SBSPON: variants seen among roughly 807,000 people sequenced by gnomAD.
SBSPON encodes the protein somatomedin B and thrombospondin type 1 domain containing.
A neutral mutation model predicts 35.8 loss-of-function variants in SBSPON; 30 were observed. The ratio of observed to expected loss-of-function variants is 0.84; its 90% CI spans 0.63 to 1.14. The LOEUF is 1.14. SBSPON is among the 50% of genes most tolerant of loss of function. The pLI is 0.00. For missense variants in SBSPON, 364 were observed against 357.7 expected (o/e 1.02, Z -0.14); for synonymous variants, 136 against 135.9 (o/e 1.00, Z 0.00).
At position 73,081,071 on chromosome 8, in the gene SBSPON, A is replaced by G; in HGVS notation, c.357T>C (p.Ala119=). The change falls in exon 2 of 5, where the codon GCT becomes GCC. Residue 119 remains alanine, a synonymous_variant. Transcript: ENST00000297354. The stretch of plus-strand genomic sequence containing the variant: ...GCGGGGTGGAGTACTCCAGGCAGCC[A>G]GCTCTCTCTTCCAGGGGTGGGCAGG... The part of the protein sequence containing the change: ...GAPCPPLEER[A]GCLEYSTPQG... 1 of 1,612,612 alleles carries G rather than the reference A, an allele frequency of 6.2e-7. No individual in the cohort carries two copies. The highest frequency in any genetic ancestry group is 8.5e-7 in the Non-Finnish European group (1 of 1,179,336).
chr8:73,086,998 T>C (rs566274541), intron 1 of SBSPON, among the ~76,000 whole-genome samples: 4 of 152,326 alleles, frequency 2.6e-5, no homozygotes, highest in African/African-American at 9.6e-5. Context: ...CTGCTCACAT[T>C]CTTTTGACAA....
At chr8:73,092,254 A>T (rs987395120) in intron 1 of SBSPON, among the ~76,000 whole-genome samples, 7 of 152,236 alleles carry the variant, frequency 4.6e-5, no homozygotes, top group African/African-American at 1.2e-4. Context: ...TTCCAAGAAC[A>T]TACTGTACAC....
chr8:73,073,694 A>G (rs1810538531), intron 2 of SBSPON, among the ~76,000 whole-genome samples: 1 of 151,786 alleles, frequency 6.6e-6, no homozygotes, highest in Non-Finnish European at 1.5e-5. Flanking sequence ...CCATAGACCC[A>G]TCTGTTCGGG....
Position 73,081,064 on chromosome 8 carries a change from G to A in SBSPON, c.364C>T (p.Leu122=). The A allele has an allele frequency of 1.9e-6, 3 of 1,612,324 alleles. No homozygotes were observed. Among genetic ancestry groups the A allele is most frequent in the Non-Finnish European group, 2.5e-6 (3 of 1,179,178 alleles). Residue 122 remains leucine (L), a synonymous_variant, in exon 2 of 5, where the codon CTG becomes TTG. Transcript: ENST00000297354. ...TGGCCCTGCGGGGTGGAGTACTCCA[G>A]GCAGCCAGCTCTCTCTTCCAGGGGT... ...CPPLEERAGC[L]EYSTPQGQDC...
At position 73,069,790 on chromosome 8, in the gene SBSPON, A is replaced by G; in HGVS notation, c.677+15T>C. The G allele has an allele frequency of 6.2e-7, 1 of 1,607,090 alleles. No individual in the cohort carries two copies. Among genetic ancestry groups the G allele is most frequent in the Non-Finnish European group, 8.5e-7 (1 of 1,173,636 alleles). Reference sequence around the variant, plus strand: ...GAGTGACAAGAAAAGTACTTCAGTTAATTTCCATTCTTACCCATCGGAGTC... The same window carrying G: ...GAGTGACAAGAAAAGTACTTCAGTTGATTTCCATTCTTACCCATCGGAGTC... On this transcript the variant is annotated intron_variant, in intron 4 of 4. Transcript: ENST00000297354.
At chr8:73,068,987 CTG>C (rs753875935) in intron 4 of SBSPON, among the ~76,000 whole-genome samples, 2 of 152,146 alleles carry the variant, frequency 1.3e-5, no homozygotes, top group African/African-American at 2.4e-5. Flanking sequence ...GTGTCTGTGA[CTG>C]TTTTCCTGCT....
chr8:73,084,698 G>A (rs1327365504), intron 1 of SBSPON, among the ~76,000 whole-genome samples: 1 of 151,422 alleles, frequency 6.6e-6, no homozygotes, highest in Non-Finnish European at 1.5e-5. Flanking sequence ...CCTCTTCAGG[G>A]AGTCTTTTTC....
chr8:73,065,995 C>G lies in SBSPON; in HGVS notation c.*1346G>C, dbSNP rs1174793426. The G allele has an allele frequency of 6.6e-6, 1 of 151,912 alleles. No individual in the cohort carries two copies. The highest frequency in any genetic ancestry group is 1.5e-5 in the Non-Finnish European group (1 of 67,992). 9.4% of individuals were successfully genotyped at this position (151,912 alleles called of 1,614,324 possible). On this transcript the variant is annotated 3_prime_UTR_variant, in exon 5 of 5. Coordinates refer to ENST00000297354, the MANE Select transcript of SBSPON (RefSeq NM_153225.4). ...AATGAAAATACAGTAAAAAATATTG[C>G]TACTCTCGGTGTTATTAATTATTGG...
chr8:73,091,868 G>T (rs886766624), intron 1 of SBSPON, among the ~76,000 whole-genome samples: 1 of 152,180 alleles, frequency 6.6e-6, no homozygotes, highest in African/African-American at 2.4e-5. Flanking sequence ...CCGCCACTGG[G>T]TATCCGGTTG....
intron 1 of SBSPON, chr8:73,085,818 C>T (rs1004990705): frequency 3.3e-5 from 5 of 152,144 alleles, no homozygotes; most frequent in Admixed American, 1.3e-4. Flanking sequence ...ATTTTTCCTT[C>T]GAGGTGAGGC....
chr8:73,087,422 A>G (rs1477769491), intron 1 of SBSPON, among the ~76,000 whole-genome samples: 1 of 152,186 alleles, frequency 6.6e-6, no homozygotes, highest in Non-Finnish European at 1.5e-5. Flanking sequence ...GGAAATGTGA[A>G]GTGTTAACAA....
At chr8:73,073,305 A>G (rs1157179533) in intron 2 of SBSPON, among the ~76,000 whole-genome samples, 1 of 152,164 alleles carries the variant, frequency 6.6e-6, no homozygotes, top group Non-Finnish European at 1.5e-5. Flanking sequence ...GCGCGATTCC[A>G]GGAAGGGTAG....
rs184951802 is a variant in SBSPON at position 73,092,571 on chromosome 8, C to G, written c.214+283G>C. Reference sequence around the variant, plus strand: ...TTTCTGAGTCGGAGATTTCGTCTCTCGGCTCCCTTCCATCCCGCTGGAGAA... The same window carrying G: ...TTTCTGAGTCGGAGATTTCGTCTCTGGGCTCCCTTCCATCCCGCTGGAGAA... On this transcript the variant is annotated intron_variant, in intron 1 of 4. Coordinates refer to ENST00000297354, the MANE Select transcript of SBSPON (RefSeq NM_153225.4). Among the ~76,000 whole-genome samples, 317 of 152,266 alleles carry G rather than the reference C, an allele frequency of 2.1e-3. 1 individual carries two copies. The highest frequency in any genetic ancestry group is 3.5e-3 in the Non-Finnish European group (239 of 68,014).
intron 2 of SBSPON, among the ~76,000 whole-genome samples, chr8:73,079,482 A>G (rs1249725582): frequency 6.6e-6 from 1 of 151,718 alleles, no homozygotes; most frequent in Non-Finnish European, 1.5e-5. Context: ...CAGCTCCCAA[A>G]TCCCTCAAAC....
chr8:73,079,679 G>A (rs1810657884), intron 2 of SBSPON, among the ~76,000 whole-genome samples: 1 of 152,000 alleles, frequency 6.6e-6, no homozygotes. Context: ...GGAATCACCT[G>A]ATTACACCCG....
In SBSPON at chr8:73,064,869, A is replaced by C. The variant is rs1322014035; in HGVS notation, c.*2472T>G. The C allele has an allele frequency of 6.6e-6, 1 of 151,862 alleles. No individual in the cohort carries two copies. The highest frequency in any genetic ancestry group is 1.5e-5 in the Non-Finnish European group (1 of 67,984). The allele number at this position is 151,862 out of a possible 1,614,324, so 9.4% of individuals were successfully genotyped here. A position where few individuals can be genotyped will look rare whatever the true frequency, so the allele number is the denominator to read the frequency against. On this transcript the variant is annotated 3_prime_UTR_variant, in exon 5 of 5. Transcript: ENST00000297354. ...TTTGTTCGAATTATTTTCCATGAGC[A>C]CTTTTGAAAATCAGTCTATTAAGGG...
intron 2 of SBSPON, chr8:73,075,776 G>T: frequency 1.0e-6 from 1 of 960,344 alleles, no homozygotes; most frequent in Non-Finnish European, 1.2e-6. Flanking sequence ...ATGAAAAATT[G>T]ACAAATAATA....
rs776218658 is a variant in SBSPON at position 73,081,127 on chromosome 8, C to T, written c.301G>A (p.Val101Met). 1.2e-6 allele frequency: 2 copies of T among 1,613,482 alleles called. No individual in the cohort carries two copies. The highest frequency in any genetic ancestry group is 1.3e-5 in the African/African-American group (1 of 75,046). Residue 101 changes from valine (V) to methionine (M), a missense_variant, in exon 2 of 5, where the codon GTG becomes ATG. Transcript: ENST00000297354. ...KPTTRVRRRS[V>M]QQEPQNGGAP... ...CCGCCGTTCTGAGGCTCCTGCTGCA[C>T]CGAGCGCCTCCGCACACGGGTTGTA...
At chr8:73,086,367 G>A (rs1380891103) in intron 1 of SBSPON, among the ~76,000 whole-genome samples, 2 of 152,030 alleles carry the variant, frequency 1.3e-5, no homozygotes, top group Non-Finnish European at 2.9e-5. Context: ...TTGCCATGTT[G>A]GTCAGGCTGG....
Sources: gnomAD v4.1 joint callset for allele counts (sites outside exome capture counted in the v4.1 genomes callset) on GRCh38, gnomAD v4.1.1 for gene constraint, MANE v1.5 for transcripts, NCBI Gene and HGNC (gene_info 2026-07-23, HGNC 2026-07-21) for gene names.